The following GNG2 variants were observed in gnomAD, a reference collection of about 807,000 sequenced individuals.
The protein encoded by GNG2 is guanine nucleotide-binding protein G(I)/G(S)/G(O) subunit gamma-2.
GNG2 carries 5 observed loss-of-function variants against 5.5 expected under a neutral mutation model. That is an observed-to-expected ratio of 0.91 (90% CI 0.48 to 1.92). The LOEUF is 1.92. Among genes scored for constraint, GNG2 ranks in the 30% most tolerant of loss-of-function variants. The pLI is 0.01. For synonymous variants in GNG2, 28 were observed against 32.0 expected (o/e 0.88, Z 0.42); for missense variants, 55 against 88.4 (o/e 0.62, Z 1.52).
intron 1 of GNG2, among the ~76,000 whole-genome samples, chr14:51,863,893 G>A (rs1882689958): frequency 6.6e-6 from 1 of 152,172 alleles, no homozygotes; most frequent in Admixed American, 6.5e-5. Flanking sequence ...TCCATTGAAT[G>A]TATAGACTAT....
At chr14:51,845,728 T>C (rs1206425246) in intron 2 of GNG2, among the ~76,000 whole-genome samples, 1 of 152,100 alleles carries the variant, frequency 6.6e-6, no homozygotes. Flanking sequence ...ATAAACCTGG[T>C]CAATGTTCTT....
intron 1 of GNG2, among the ~76,000 whole-genome samples, chr14:51,868,485 G>C (rs536222013): frequency 1.1e-4 from 16 of 152,318 alleles, no homozygotes; most frequent in African/African-American, 3.8e-4. Context: ...TGGTGGGACT[G>C]TGCCTATGCT....
At chr14:51,931,555 G>T (rs1887658315) in intron 2 of GNG2, among the ~76,000 whole-genome samples, 2 of 152,096 alleles carry the variant, frequency 1.3e-5, no homozygotes, top group Non-Finnish European at 2.9e-5. Flanking sequence ...GATCACTGAG[G>T]TGGGTGAGTG....
At chr14:51,860,899 TA>T (rs1882430374) in intron 1 of GNG2, 109 bp downstream of exon 1, 1 of 152,254 alleles carries the variant, frequency 6.6e-6, no homozygotes, top group South Asian at 2.1e-4. Flanking sequence ...GCTTCAGGAC[TA>T]GGGGAAATGA....
intron 2 of GNG2, among the ~76,000 whole-genome samples, chr14:51,926,821 G>T (rs537402918): frequency 7.2e-5 from 11 of 152,174 alleles, no homozygotes; most frequent in African/African-American, 2.6e-4. Context: ...CAAAGTGTCT[G>T]CAAGCCTAAT....
At chr14:51,870,043 T>C (rs910321797) in intron 1 of GNG2, among the ~76,000 whole-genome samples, 30 of 152,164 alleles carry the variant, frequency 2.0e-4, no homozygotes, top group African/African-American at 6.8e-4. Context: ...GGGTAGGCAG[T>C]CAATAGAGTT....
At chr14:51,869,482 G>A (rs888950381) in intron 1 of GNG2, among the ~76,000 whole-genome samples, 8 of 152,160 alleles carry the variant, frequency 5.3e-5, no homozygotes, top group Admixed American at 2.0e-4. Context: ...AATACGTAGA[G>A]GCATATCAAG....
Position 51,832,137 on chromosome 14 carries a change from G to T in GNG2, c.64+4330G>T, listed in dbSNP as rs546250191. The stretch of plus-strand genomic sequence containing the variant: ...TGTACAAAAAATACAAAAATTAGTC[G>T]GGCATGGTGGCACACACATATGGTT... On this transcript the variant is annotated intron_variant, in intron 2 of 3. Coordinates refer to the GNG2 transcript ENST00000553432. Among the ~76,000 whole-genome samples, 463 of 139,884 alleles carry T rather than the reference G, an allele frequency of 3.3e-3. 3 individuals carry two copies. The highest frequency in any genetic ancestry group is 0.013 in the African/African-American group (449 of 34,876). The allele number at this position is 139,884 out of a possible 152,430, so 91.8% of individuals were successfully genotyped here.
At chr14:51,953,440 C>T (rs969758617) in intron 3 of GNG2, among the ~76,000 whole-genome samples, 2 of 152,104 alleles carry the variant, frequency 1.3e-5, no homozygotes, top group Non-Finnish European at 2.9e-5. Context: ...AGAAAGAAGC[C>T]AATACCACAC....
intron 3 of GNG2, among the ~76,000 whole-genome samples, chr14:51,958,102 G>A (rs2140297525): frequency 6.6e-6 from 1 of 152,332 alleles, no homozygotes; most frequent in South Asian, 2.1e-4. Flanking sequence ...GTGGTGTACA[G>A]TCTGCTACTA....
At chr14:51,934,375 T>C (rs1470447087) in intron 2 of GNG2, among the ~76,000 whole-genome samples, 1 of 152,188 alleles carries the variant, frequency 6.6e-6, no homozygotes, top group Admixed American at 6.5e-5. Flanking sequence ...TCATCCACTT[T>C]CCTTGTACAT....
At chr14:51,932,273 GA>G (rs1887714039) in intron 2 of GNG2, among the ~76,000 whole-genome samples, 2 of 61,512 alleles carry the variant, frequency 3.3e-5, no homozygotes, top group African/African-American at 1.2e-4. Flanking sequence ...AAAAAAAAAA[GA>G]AAAGAAAATA....
chr14:51,950,572 C>A, intron 2 of GNG2, 78 bp from the exon 3 acceptor site: 1 of 857,228 alleles, frequency 1.2e-6, no homozygotes, highest in Non-Finnish European at 1.9e-6. Flanking sequence ...GCTTTGAGAT[C>A]CCCTAGTTAC....
intron 3 of GNG2, among the ~76,000 whole-genome samples, chr14:51,955,634 G>T (rs1243645489): frequency 6.6e-6 from 1 of 152,168 alleles, no homozygotes; most frequent in East Asian, 1.9e-4. Context: ...TATGGACTTG[G>T]AGATTCCAAG....
At chr14:51,850,510 G>A (rs751504843) in intron 2 of GNG2, among the ~76,000 whole-genome samples, 4 of 152,124 alleles carry the variant, frequency 2.6e-5, no homozygotes, top group South Asian at 2.1e-4. Flanking sequence ...ACTGACAGTC[G>A]GAGGAAAAGA....
At chr14:51,882,246 A>G (rs1400828262) in intron 2 of GNG2, among the ~76,000 whole-genome samples, 2 of 152,246 alleles carry the variant, frequency 1.3e-5, no homozygotes, top group East Asian at 1.9e-4. Context: ...TACACTTTAC[A>G]ATGGCTGATG....
rs1890052662 is a variant in GNG2 at position 51,968,595 on chromosome 14, T to G, written c.*1908T>G. ...GATACTTCTGTTCTTCTGTTCAAAT[T>G]GTGGGGTTTTTGTTACAGTTAGGAC... is the stretch of plus-strand genomic sequence containing the variant. On this transcript the variant is annotated 3_prime_UTR_variant, in exon 4 of 4. Coordinates refer to ENST00000556766, the MANE Select transcript of GNG2 (RefSeq NM_053064.5). The G allele has an allele frequency of 2.0e-5, 3 of 152,156 alleles. No homozygotes were observed. The highest frequency in any genetic ancestry group is 2.0e-4 in the Admixed American group (3 of 15,282). The allele number at this position is 152,156 out of a possible 1,614,324, so 9.4% of individuals were successfully genotyped here.
intron 1 of GNG2, chr14:51,861,291 G>C (rs1367118437): frequency 6.6e-6 from 1 of 152,150 alleles, no homozygotes; most frequent in Non-Finnish European, 1.5e-5. Flanking sequence ...CTTGAATTGC[G>C]TATGTGAGGG....
At chr14:51,899,380 A>T in intron 2 of GNG2, among the ~76,000 whole-genome samples, 1 of 152,236 alleles carries the variant, frequency 6.6e-6, no homozygotes, top group East Asian at 1.9e-4. Context: ...TTCCGACATT[A>T]AACAGAATTA....
Sources: gnomAD v4.1 joint callset for allele counts (sites outside exome capture counted in the v4.1 genomes callset) on GRCh38, gnomAD v4.1.1 for gene constraint, MANE v1.5 for transcripts, NCBI Gene and HGNC (gene_info 2026-07-23, HGNC 2026-07-21) for gene names.